IQUB: variants seen among roughly 807,000 people sequenced by gnomAD.
IQUB encodes IQ motif and ubiquitin domain containing, also known as IQ motif and ubiquitin-like domain-containing protein.
In IQUB, 86 loss-of-function variants were observed where a neutral mutation model predicts 86.4. That is an observed-to-expected ratio of 1.00 (90% CI 0.84 to 1.19). The LOEUF (loss-of-function observed/expected upper bound fraction) is 1.19, where lower values mean the gene tolerates loss of function less well. IQUB is among the 50% of genes most tolerant of loss of function. The probability of loss-of-function intolerance (pLI) is 0.00; values close to 1 mark genes in which losing one functional copy is unlikely to be tolerated. For missense variants in IQUB, 946 were observed against 916.9 expected (o/e 1.03, Z -0.41); for synonymous variants, 289 against 304.5 (o/e 0.95, Z 0.53).
chr7:123,531,951 C>T (rs1236240592), intron 1 of IQUB, among the ~76,000 whole-genome samples: 3 of 152,232 alleles, frequency 2.0e-5, no homozygotes. Context: ...TATTCCTCCA[C>T]TCAATGTGGC....
Position 123,452,671 on chromosome 7 carries a change from C to T in IQUB, c.*72G>A, listed in dbSNP as rs1793476194. 1 of 957,790 alleles carries T rather than the reference C, an allele frequency of 1.0e-6. No individual in the cohort carries two copies. Among genetic ancestry groups the T allele is most frequent in the South Asian group, 2.3e-5 (1 of 43,592 alleles). 59.3% of individuals were successfully genotyped at this position (957,790 alleles called of 1,614,324 possible). A position where few individuals can be genotyped will look rare whatever the true frequency, so the allele number is the denominator to read the frequency against. ...AAACAGATTAAATTCCATTTCCATA[C>T]TCTGTGACCTCTGTATTACCCTATT... On this transcript the variant is annotated 3_prime_UTR_variant, in exon 13 of 13. Coordinates refer to ENST00000324698, the MANE Select transcript of IQUB (RefSeq NM_178827.5).
chr7:123,511,503 T>C (rs2117258301), intron 2 of IQUB, among the ~76,000 whole-genome samples: 1 of 152,292 alleles, frequency 6.6e-6, no homozygotes, highest in East Asian at 1.9e-4. Flanking sequence ...AAAAGCAACA[T>C]GATATGTAGA....
At chr7:123,453,391 C>A (rs1372662369) in intron 12 of IQUB, among the ~76,000 whole-genome samples, 1 of 147,382 alleles carries the variant, frequency 6.8e-6, no homozygotes, top group Non-Finnish European at 1.5e-5. Context: ...AAGGAGATAA[C>A]TAAATATCTT....
At chr7:123,491,244 A>G (rs892091103) in intron 7 of IQUB, among the ~76,000 whole-genome samples, 3 of 152,172 alleles carry the variant, frequency 2.0e-5, no homozygotes, top group Non-Finnish European at 4.4e-5. Flanking sequence ...TTACAGCACC[A>G]AACACCTATA....
At chr7:123,489,401 T>C (rs1311182283) in intron 7 of IQUB, among the ~76,000 whole-genome samples, 1 of 152,172 alleles carries the variant, frequency 6.6e-6, no homozygotes, top group African/African-American at 2.4e-5. Flanking sequence ...AGTAGGATAT[T>C]ACTCTCATAT....
At chr7:123,484,291 G>A (rs572495909) in intron 7 of IQUB, among the ~76,000 whole-genome samples, 2 of 152,130 alleles carry the variant, frequency 1.3e-5, no homozygotes, top group East Asian at 3.9e-4. Flanking sequence ...TATGATTGAT[G>A]AGTTTGTTAT....
intron 1 of IQUB, chr7:123,532,646 G>C (rs972642827): frequency 6.6e-6 from 1 of 152,118 alleles, no homozygotes; most frequent in African/African-American, 2.4e-5. Context: ...AAAGGGCTCA[G>C]AAAGCGGAAA....
chr7:123,526,814 C>T (rs887270242), intron 1 of IQUB, among the ~76,000 whole-genome samples: 7 of 151,936 alleles, frequency 4.6e-5, no homozygotes, highest in Admixed American at 1.3e-4. Flanking sequence ...TACATTTTGG[C>T]GTGATTTTGC....
Position 123,502,867 on chromosome 7 carries a change from G to GTCAT in IQUB, c.867+76_867+77insATGA, listed in dbSNP as rs1236763820. ...TTAATTGCCATATAATTACTTAAGA[G>GTCAT]AAATTTGAGAGAGTCATACAGTACA... is the stretch of plus-strand genomic sequence containing the variant. On this transcript the variant is annotated intron_variant, in intron 5 of 12. Coordinates refer to ENST00000324698, the MANE Select transcript of IQUB (RefSeq NM_178827.5). The GTCAT allele has an allele frequency of 1.8e-5, 26 of 1,420,044 alleles. No individual in the cohort carries two copies. In the Admixed American group the frequency reaches 4.9e-4, roughly 27 times the overall value. 88.0% of individuals were successfully genotyped at this position (1,420,044 alleles called of 1,614,324 possible).
intron 1 of IQUB, among the ~76,000 whole-genome samples, chr7:123,526,444 A>G (rs1396815643): frequency 6.6e-6 from 1 of 152,192 alleles, no homozygotes; most frequent in African/African-American, 2.4e-5. Flanking sequence ...TCCCTTTACC[A>G]TTAAGTAATG....
intron 7 of IQUB, among the ~76,000 whole-genome samples, chr7:123,484,928 G>T (rs761618718): frequency 6.6e-6 from 1 of 151,924 alleles, no homozygotes; most frequent in Non-Finnish European, 1.5e-5. Flanking sequence ...TAGTAACAAA[G>T]AATAGAAAAA....
intron 1 of IQUB, among the ~76,000 whole-genome samples, chr7:123,526,463 T>C (rs1562879029): frequency 6.6e-6 from 1 of 152,210 alleles, no homozygotes. Flanking sequence ...TGGCCTTCTT[T>C]GTATCTTTTG....
intron 1 of IQUB, among the ~76,000 whole-genome samples, chr7:123,528,956 C>T (rs1797391276): frequency 6.6e-6 from 1 of 152,038 alleles, no homozygotes; most frequent in Non-Finnish European, 1.5e-5. Context: ...ATGTAAATAA[C>T]AAAGTACACA....
At chr7:123,463,699 T>TTGACTGTGCTACTGG in intron 10 of IQUB, among the ~76,000 whole-genome samples, 1 of 151,776 alleles carries the variant, frequency 6.6e-6, no homozygotes, top group East Asian at 1.9e-4. Flanking sequence ...ATTTCTTATT[T>TTGACTGTGCTACTGG]TGACTGTGCT....
intron 1 of IQUB, among the ~76,000 whole-genome samples, chr7:123,521,499 G>A (rs978317424): frequency 1.1e-4 from 17 of 151,952 alleles, no homozygotes; most frequent in Non-Finnish European, 1.8e-4. Context: ...AAACTTAGCC[G>A]GGCATTGTAT....
At chr7:123,479,999 GT>G (rs1317859111) in intron 7 of IQUB, 29 bp from the exon 8 acceptor site, 3 of 1,546,460 alleles carry the variant, frequency 1.9e-6, no homozygotes, top group Non-Finnish European at 2.6e-6. Flanking sequence ...AGACTCTTGA[GT>G]TTTTAAAAAT....
intron 9 of IQUB, among the ~76,000 whole-genome samples, chr7:123,465,356 T>C (rs1037683699): frequency 3.3e-5 from 5 of 151,856 alleles, no homozygotes; most frequent in Admixed American, 2.6e-4. Flanking sequence ...GGTAAAACTA[T>C]GAAGAAAAAT....
At chr7:123,518,640 G>T (rs1052037611) in intron 1 of IQUB, among the ~76,000 whole-genome samples, 2 of 152,136 alleles carry the variant, frequency 1.3e-5, no homozygotes, top group African/African-American at 4.8e-5. Context: ...TGTCACCCAG[G>T]CTACAGTACA....
intron 1 of IQUB, among the ~76,000 whole-genome samples, chr7:123,530,070 G>A (rs1387803815): frequency 6.6e-6 from 1 of 151,810 alleles, no homozygotes; most frequent in Non-Finnish European, 1.5e-5. Context: ...TCAGCTGGGA[G>A]TGGTGGCAGG....
Sources: allele counts gnomAD v4.1 joint callset (sites outside exome capture counted in the v4.1 genomes callset), GRCh38; gene constraint gnomAD v4.1.1; transcripts MANE v1.5; gene names NCBI Gene and HGNC (gene_info 2026-07-23, HGNC 2026-07-21).